The following CEP72 variants were observed in gnomAD, a reference collection of about 807,000 sequenced individuals.
CEP72 encodes the protein centrosomal protein of 72 kDa.
In CEP72, 78 loss-of-function variants were observed where a neutral mutation model predicts 65.7. The ratio of observed to expected loss-of-function variants is 1.19; its 90% confidence interval spans 0.99 to 1.43. CEP72 has a LOEUF of 1.43. Ranked by LOEUF, CEP72 falls within the 40% of genes most tolerant of loss-of-function variation. CEP72 has a pLI of 0.00. For missense variants in CEP72, 914 were observed against 832.9 expected, an observed-to-expected ratio of 1.10 and a Z score of -1.20; for synonymous variants, 358 against 351.7, an observed-to-expected ratio of 1.02 and a Z score of -0.20.
chr5:619,384 G>C (rs1363161683), intron 2 of CEP72, among the ~76,000 whole-genome samples: 1 of 152,210 alleles, frequency 6.6e-6, no homozygotes, highest in Admixed American at 6.5e-5. Flanking sequence ...CAGTGGGCCT[G>C]GGGCTGCCTC....
At chr5:618,190 T>C (rs1029019902) in intron 1 of CEP72, among the ~76,000 whole-genome samples, 2 of 151,824 alleles carry the variant, frequency 1.3e-5, no homozygotes, top group Non-Finnish European at 2.9e-5. Flanking sequence ...GGAGAGGCAG[T>C]AAAGGTGGGA....
intron 4 of CEP72, among the ~76,000 whole-genome samples, chr5:633,461 G>T (rs1579971355): frequency 4.0e-5 from 6 of 150,364 alleles, no homozygotes; most frequent in Admixed American, 3.3e-4. Context: ...GTTCTGTTCA[G>T]TGCCGGGGTT....
chr5:615,536 T>A (rs1735941975), intron 1 of CEP72, among the ~76,000 whole-genome samples: 1 of 152,236 alleles, frequency 6.6e-6, no homozygotes. Flanking sequence ...GCATGGCGTA[T>A]CTTTTCCTAT....
chr5:633,776 C>T lies in CEP72; in HGVS notation c.520C>T (p.His174Tyr). 2 of 1,613,944 alleles carry T rather than the reference C, an allele frequency of 1.2e-6. No homozygotes were observed. The highest frequency in any genetic ancestry group is 2.2e-5 in the East Asian group (1 of 44,882). ...GTTTGCTTTTCCTTACAGACCACACCACCCCAGAGCCAAGTGCACCGAGGC... is the reference window on the plus strand; with the variant it reads ...GTTTGCTTTTCCTTACAGACCACACTACCCCAGAGCCAAGTGCACCGAGGC... The part of the protein sequence containing the change: ...PASLKEGRPH[H>Y]PRAKCTEALA... The change falls in exon 5 of 12, where the codon CAC (histidine) becomes TAC (tyrosine). Residue 174 changes from histidine to tyrosine, a missense_variant. Coordinates refer to ENST00000264935, the MANE Select transcript of CEP72 (RefSeq NM_018140.4).
Position 633,756 on chromosome 5 carries a change from C to G in CEP72, c.513-13C>G, listed in dbSNP as rs201839571. 1.2e-6 allele frequency: 2 copies of G among 1,613,108 alleles called. No individual in the cohort carries two copies. Among genetic ancestry groups the G allele is most frequent in the East Asian group, 4.5e-5 (2 of 44,876 alleles). On this transcript the variant is annotated splice_polypyrimidine_tract_variant and intron_variant, in intron 4 of 11. Transcript: ENST00000264935. ...GGCTTGAGTGATGCTGATGAGTTTG[C>G]TTTTCCTTACAGACCACACCACCCC...
At chr5:665,062 T>G (rs1309728649) in intron 2 of CEP72, 1 of 1,588,648 alleles carries the variant, frequency 6.3e-7, no homozygotes, top group East Asian at 2.2e-5. Context: ...GAGTCCCTGC[T>G]CTGGGGACAC....
intron 1 of CEP72, 138 bp downstream of exon 1, chr5:612,581 G>A: frequency 2.4e-6 from 3 of 1,229,140 alleles, no homozygotes; most frequent in Non-Finnish European, 3.0e-6. Flanking sequence ...GGTCGCGGGC[G>A]AGCGGGGCGC....
chr5:612,594 G>A (rs1735742381), intron 1 of CEP72, 151 bp downstream of exon 1: 4 of 1,222,514 alleles, frequency 3.3e-6, no homozygotes, highest in Non-Finnish European at 4.1e-6. Context: ...CGGGGCGCGC[G>A]TGTCCAGGTG....
At chr5:665,658 G>A (rs1289887881) in intron 3 of CEP72, among the ~76,000 whole-genome samples, 1 of 40,584 alleles carries the variant, frequency 2.5e-5, no homozygotes, top group African/African-American at 9.9e-5. Context: ...GACCCCCCCA[G>A]GCCACGCCGA....
intron 1 of CEP72, among the ~76,000 whole-genome samples, chr5:613,159 T>A (rs1179770381): frequency 6.6e-6 from 1 of 152,182 alleles, no homozygotes; most frequent in Non-Finnish European, 1.5e-5. Context: ...GGAGTGTGTG[T>A]GTTGAGTTGT....
At chr5:617,336 T>G (rs1736060437) in intron 1 of CEP72, among the ~76,000 whole-genome samples, 1 of 152,180 alleles carries the variant, frequency 6.6e-6, no homozygotes, top group Non-Finnish European at 1.5e-5. Context: ...GTCCTCTCCA[T>G]GTTGCCTGGA....
At chr5:665,157 A>G (rs1284619208) in intron 2 of CEP72, 4 of 1,613,326 alleles carry the variant, frequency 2.5e-6, no homozygotes, top group Non-Finnish European at 3.4e-6. Flanking sequence ...GTAGCCGGAC[A>G]CATAGCCTGA....
At chr5:643,008 G>C in intron 9 of CEP72, 1 of 985,492 alleles carries the variant, frequency 1.0e-6, no homozygotes, top group Non-Finnish European at 1.2e-6. Context: ...CGCCCAGCTT[G>C]GGTGCAGTCG....
chr5:628,115 G>A (rs141336188), intron 4 of CEP72, among the ~76,000 whole-genome samples: 128 of 152,344 alleles, frequency 8.4e-4, no homozygotes, highest in African/African-American at 2.9e-3. Context: ...GCACAGACAC[G>A]AGGGTTAGTG....
downstream of CEP72, among the ~76,000 whole-genome samples, chr5:668,498 A>T (rs376270930): frequency 1.2e-4 from 18 of 152,328 alleles, no homozygotes; most frequent in East Asian, 9.7e-4. Context: ...GGAAGTGCAG[A>T]TGGAAACCAC....
chr5:618,687 T>G (rs1267128642), intron 1 of CEP72, among the ~76,000 whole-genome samples: 1 of 152,122 alleles, frequency 6.6e-6, no homozygotes, highest in African/African-American at 2.4e-5. Flanking sequence ...TAAGGGGATT[T>G]GGGCTAAACC....
chr5:640,607 G>A lies in CEP72; in HGVS notation c.1539+3G>A, dbSNP rs770631386. On this transcript the variant is annotated splice_donor_region_variant and intron_variant, in intron 9 of 11. Transcript: ENST00000264935. ...TGCACCACACACACAAGGAGCTGGT[G>A]AGCCCGCCCTGGCGCTGTGTCTGTG... The A allele has an allele frequency of 6.2e-6, 10 of 1,609,464 alleles. No individual in the cohort carries two copies. In the South Asian group the frequency reaches 1.1e-4, roughly 18 times the overall value.
rs1320416998 is a variant in CEP72 at position 633,687 on chromosome 5, G to A, written c.513-82G>A. On this transcript the variant is annotated intron_variant, in intron 4 of 11. Transcript: ENST00000264935. Reference sequence around the variant, plus strand: ...CGCTGCTTCTCTCAGAGACCGTGCAGGAATTTTCCTTCTCCTGGTCTGCGT... The same window carrying A: ...CGCTGCTTCTCTCAGAGACCGTGCAAGAATTTTCCTTCTCCTGGTCTGCGT... 3.6e-6 allele frequency: 5 copies of A among 1,373,086 alleles called. No individual in the cohort carries two copies. In the Admixed American group the frequency reaches 7.3e-5, roughly 20 times the overall value. 85.1% of individuals were successfully genotyped at this position (1,373,086 alleles called of 1,614,324 possible).
At chr5:648,519 AGGTGT>A (rs1410275470) in intron 11 of CEP72, among the ~76,000 whole-genome samples, 4 of 77,182 alleles carry the variant, frequency 5.2e-5, no homozygotes, top group Non-Finnish European at 7.3e-5. Context: ...GTGGACTGTG[AGGTGT>A]GACTGTGAGG....
Sources: allele counts gnomAD v4.1 joint callset (sites outside exome capture counted in the v4.1 genomes callset), GRCh38; gene constraint gnomAD v4.1.1; transcripts MANE v1.5; gene names NCBI Gene and HGNC (gene_info 2026-07-23, HGNC 2026-07-21).